The following CCSER1 variants were observed in gnomAD, a reference collection of about 807,000 sequenced individuals.
CCSER1 encodes coiled-coil serine rich protein 1.
In CCSER1, 41 loss-of-function variants were observed where a neutral mutation model predicts 82.0. That is an observed-to-expected ratio of 0.50 (90% CI 0.39 to 0.65). The LOEUF (loss-of-function observed/expected upper bound fraction) is 0.65. CCSER1 is among the 30% of genes least tolerant of loss of function. The pLI is 0.00. For missense variants in CCSER1, 1,119 were observed against 1,064.2 expected (o/e 1.05, Z -0.72); for synonymous variants, 414 against 383.9 (o/e 1.08, Z -0.92).
In CCSER1 at chr4:91,294,857, T is replaced by C. The variant is rs150019136; in HGVS notation, c.2217+208863T>C. Reference sequence around the variant, plus strand: ...CAACTAAGGTATCAAGGGCTCCAAGTTGTACATATATTTTGGGAGTGTGTA... The same window carrying C: ...CAACTAAGGTATCAAGGGCTCCAAGCTGTACATATATTTTGGGAGTGTGTA... On this transcript the variant is annotated intron_variant, in intron 10 of 10. Transcript: ENST00000509176. 3.0e-3 allele frequency among the ~76,000 whole-genome samples: 449 copies of C among 152,080 alleles called. 1 individual carries two copies. Among genetic ancestry groups the C allele is most frequent in the African/African-American group, 0.01 (418 of 41,534 alleles).
At chr4:90,505,467 A>G (rs1049737064) in intron 5 of CCSER1, among the ~76,000 whole-genome samples, 3 of 152,200 alleles carry the variant, frequency 2.0e-5, no homozygotes, top group African/African-American at 7.2e-5. Flanking sequence ...GATTGATCTT[A>G]ATTTGGGGTC....
chr4:90,508,479 T>C (rs1190661108), intron 5 of CCSER1, among the ~76,000 whole-genome samples: 1 of 152,090 alleles, frequency 6.6e-6, no homozygotes, highest in Non-Finnish European at 1.5e-5. Flanking sequence ...ATCATTTAAA[T>C]TTTTCTCTAC....
chr4:91,569,444 T>C (rs1433017523), intron 10 of CCSER1, among the ~76,000 whole-genome samples: 1 of 152,146 alleles, frequency 6.6e-6, no homozygotes, highest in Admixed American at 6.6e-5. Flanking sequence ...GCTGTTCTCA[T>C]GCTTGTGTGA....
chr4:90,597,988 G>A (rs913948189), intron 5 of CCSER1, among the ~76,000 whole-genome samples: 9 of 151,450 alleles, frequency 5.9e-5, no homozygotes, highest in Non-Finnish European at 8.8e-5. Context: ...TTTTTTAAAC[G>A]CTGAGTAATA....
At chr4:91,446,676 A>ATATATATATAT (rs376326688) in intron 10 of CCSER1, among the ~76,000 whole-genome samples, 37 of 142,540 alleles carry the variant, frequency 2.6e-4, no homozygotes, top group African/African-American at 4.9e-4. Flanking sequence ...TAAATAAATA[A>ATATATATATAT]ATATATATAT....
At chr4:90,903,560 T>A (rs1724987534) in intron 8 of CCSER1, among the ~76,000 whole-genome samples, 1 of 152,044 alleles carries the variant, frequency 6.6e-6, no homozygotes, top group East Asian at 1.9e-4. Context: ...AACCACCAAG[T>A]AAATGGAAAG....
intron 4 of CCSER1, among the ~76,000 whole-genome samples, chr4:90,443,725 A>T (rs1426564849): frequency 3.9e-5 from 6 of 152,130 alleles, no homozygotes; most frequent in Non-Finnish European, 7.4e-5. Context: ...ACATTAATAA[A>T]GATTGAAGTC....
chr4:91,388,863 G>A (rs755162331), intron 10 of CCSER1, among the ~76,000 whole-genome samples: 4 of 151,752 alleles, frequency 2.6e-5, no homozygotes, highest in African/African-American at 4.8e-5. Context: ...CTTTAGAATC[G>A]GTTTGAAAAT....
Position 91,083,593 on chromosome 4 carries a change from A to G in CCSER1, c.2173-2357A>G, listed in dbSNP as rs77885436. On this transcript the variant is annotated intron_variant, in intron 9 of 10. Transcript: ENST00000509176. ...GAAATAAAATAAAAACAAAAAAACT[A>G]TTACAAATAAAAATGTCAAGGATTT... 4.8e-3 allele frequency among the ~76,000 whole-genome samples: 733 copies of G among 152,256 alleles called. 9 individuals carry two copies. Among genetic ancestry groups the G allele is most frequent in the African/African-American group, 0.016 (684 of 41,560 alleles).
At chr4:90,609,504 A>T (rs1397044501) in intron 5 of CCSER1, among the ~76,000 whole-genome samples, 1 of 152,226 alleles carries the variant, frequency 6.6e-6, no homozygotes, top group Non-Finnish European at 1.5e-5. Flanking sequence ...ATTCTGAAAG[A>T]ATAAATAAAA....
At chr4:91,315,745 A>G (rs1218712732) in intron 10 of CCSER1, among the ~76,000 whole-genome samples, 1 of 152,050 alleles carries the variant, frequency 6.6e-6, no homozygotes, top group African/African-American at 2.4e-5. Context: ...ATTATTTACA[A>G]TGAATACTAC....
At chr4:91,217,837 A>C (rs1254870071) in intron 10 of CCSER1, among the ~76,000 whole-genome samples, 2 of 152,184 alleles carry the variant, frequency 1.3e-5, no homozygotes, top group African/African-American at 4.8e-5. Context: ...TGATTGGTGT[A>C]TTTACAATCC....
At chr4:91,427,357 G>T (rs1754045345) in intron 10 of CCSER1, among the ~76,000 whole-genome samples, 2 of 152,096 alleles carry the variant, frequency 1.3e-5, no homozygotes, top group African/African-American at 4.8e-5. Context: ...ATAACATCAT[G>T]TTAGGTGCTC....
At chr4:91,201,652 A>G (rs537820845) in intron 10 of CCSER1, among the ~76,000 whole-genome samples, 1 of 152,220 alleles carries the variant, frequency 6.6e-6, no homozygotes, top group South Asian at 2.1e-4. Context: ...AACCTCAGAA[A>G]GGCAATATCG....
At chr4:90,589,606 A>T (rs1782446920) in intron 5 of CCSER1, among the ~76,000 whole-genome samples, 1 of 152,106 alleles carries the variant, frequency 6.6e-6, no homozygotes, top group Admixed American at 6.6e-5. Context: ...TATGACAAAG[A>T]TCTATTCTTA....
intron 5 of CCSER1, among the ~76,000 whole-genome samples, chr4:90,475,608 C>T (rs779293006): frequency 2.6e-5 from 4 of 152,122 alleles, no homozygotes; most frequent in Non-Finnish European, 4.4e-5. Flanking sequence ...AAGCAGACTG[C>T]CCAGAAAACC....
intron 10 of CCSER1, among the ~76,000 whole-genome samples, chr4:91,276,191 G>A (rs1232403684): frequency 6.6e-6 from 1 of 150,570 alleles, no homozygotes; most frequent in Non-Finnish European, 1.5e-5. Context: ...CTATTTCTGT[G>A]AAAAATGACA....
At chr4:91,570,882 T>C (rs778117829) in intron 10 of CCSER1, among the ~76,000 whole-genome samples, 78 of 152,326 alleles carry the variant, frequency 5.1e-4, no homozygotes, top group Non-Finnish European at 1.0e-3. Flanking sequence ...TTCTTTTCTA[T>C]TGCATCATCA....
chr4:91,402,678 C>G (rs1752419128), intron 10 of CCSER1, among the ~76,000 whole-genome samples: 1 of 152,130 alleles, frequency 6.6e-6, no homozygotes, highest in African/African-American at 2.4e-5. Flanking sequence ...TTGTTTTTCT[C>G]AGGTTTGTCA....
Sources: allele counts gnomAD v4.1 joint callset (sites outside exome capture counted in the v4.1 genomes callset), GRCh38; gene constraint gnomAD v4.1.1; transcripts MANE v1.5; gene names NCBI Gene and HGNC (gene_info 2026-07-23, HGNC 2026-07-21).